The following UTP20 variants were observed in gnomAD, a reference collection of about 807,000 sequenced individuals.
UTP20 encodes the protein small subunit processome component 20 homolog.
In UTP20, 164 loss-of-function variants were observed where a neutral mutation model predicts 329.5. The observed-to-expected ratio is 0.50, with a 90% CI of 0.44 to 0.57. The LOEUF (loss-of-function observed/expected upper bound fraction) is 0.57, where lower values mean the gene tolerates loss of function less well. Ranked by LOEUF, UTP20 falls within the 20% of genes least tolerant of loss-of-function variation. UTP20 has a pLI of 0.00. For synonymous variants in UTP20, 1,151 were observed against 1,159.3 expected (o/e 0.99, Z 0.14); for missense variants, 3,055 against 3,284.2 (o/e 0.93, Z 1.71).
chr12:101,378,693 T>G lies in UTP20; in HGVS notation c.7397-678T>G, dbSNP rs368033511. On this transcript the variant is annotated intron_variant, in intron 56 of 61. Transcript: ENST00000261637. Reference sequence around the variant, plus strand: ...GAGAGTACACCACTGCACTCCAGCCTGGGCAATGGGAATGAAACCCTGTCG... The same window carrying G: ...GAGAGTACACCACTGCACTCCAGCCGGGGCAATGGGAATGAAACCCTGTCG... Among the ~76,000 whole-genome samples the G allele has an allele frequency of 9.2e-5, 14 of 151,432 alleles. No homozygotes were observed. The South Asian group carries it at 2.7e-3, about 30-fold the overall frequency.
intron 12 of UTP20, among the ~76,000 whole-genome samples, chr12:101,298,483 G>A (rs1872428148): frequency 6.6e-6 from 1 of 152,084 alleles, no homozygotes; most frequent in South Asian, 2.1e-4. Context: ...AGTACAGAAA[G>A]AAAACCTCTG....
intron 56 of UTP20, among the ~76,000 whole-genome samples, chr12:101,378,120 TAA>T (rs1870535674): frequency 6.6e-6 from 1 of 152,156 alleles, no homozygotes; most frequent in African/African-American, 2.4e-5. Flanking sequence ...GCTGAAGAAT[TAA>T]GAGTTTGAAG....
At chr12:101,288,853 G>A in intron 5 of UTP20, 107 bp from the exon 6 acceptor site, 2 of 959,876 alleles carry the variant, frequency 2.1e-6, no homozygotes. Flanking sequence ...TACCTGCTGT[G>A]TATTCCTTGC....
At chr12:101,374,596 C>T (rs1870411319) in intron 54 of UTP20, among the ~76,000 whole-genome samples, 3 of 152,064 alleles carry the variant, frequency 2.0e-5, no homozygotes, top group Admixed American at 2.0e-4. Context: ...ATAATAATGC[C>T]TCTTTTTAAA....
chr12:101,355,876 GTCAC>G (rs1462306790), intron 41 of UTP20, among the ~76,000 whole-genome samples: 1 of 151,784 alleles, frequency 6.6e-6, no homozygotes, highest in African/African-American at 2.4e-5. Flanking sequence ...TACTAACAGT[GTCAC>G]TCACACAGTT....
chr12:101,376,202 T>C (rs1870465399), intron 56 of UTP20, among the ~76,000 whole-genome samples: 1 of 152,146 alleles, frequency 6.6e-6, no homozygotes, highest in African/African-American at 2.4e-5. Flanking sequence ...AACTTTGATA[T>C]CCTGTTTGTA....
chr12:101,332,660 A>G (rs1398886961), intron 27 of UTP20, among the ~76,000 whole-genome samples: 1 of 152,124 alleles, frequency 6.6e-6, no homozygotes. Flanking sequence ...TTCCTCCTAA[A>G]TTGCATTTTT....
intron 25 of UTP20, 93 bp downstream of exon 25, chr12:101,321,722 A>G: frequency 7.0e-7 from 1 of 1,435,050 alleles, no homozygotes; most frequent in Non-Finnish European, 9.4e-7. Flanking sequence ...ACTGTAATAG[A>G]ATATTTCATT....
intron 11 of UTP20, among the ~76,000 whole-genome samples, chr12:101,295,072 T>C (rs973295471): frequency 7.9e-5 from 12 of 152,208 alleles, no homozygotes; most frequent in African/African-American, 2.9e-4. Flanking sequence ...AGTGCACAAA[T>C]GTTGTACTGG....
rs537686294 is a variant in UTP20, at chr12:101,367,072, G to T, written c.6267+373G>T. On this transcript the variant is annotated intron_variant, in intron 47 of 61. Coordinates refer to ENST00000261637, the MANE Select transcript of UTP20 (RefSeq NM_014503.3). ...AGGCAGGAGGATCACTTGAGGAGAGGAGTCTGAAACCAGCCTGGGCAACAT... is the reference window on the plus strand; with the variant it reads ...AGGCAGGAGGATCACTTGAGGAGAGTAGTCTGAAACCAGCCTGGGCAACAT... Among the ~76,000 whole-genome samples, 27 of 152,032 alleles carry T rather than the reference G, an allele frequency of 1.8e-4. No homozygotes were observed. In the South Asian group the frequency reaches 5.6e-3, roughly 32 times the overall value.
chr12:101,319,037 C>A (rs1565792630), intron 22 of UTP20, among the ~76,000 whole-genome samples: 1 of 152,210 alleles, frequency 6.6e-6, no homozygotes, highest in South Asian at 2.1e-4. Context: ...TTTCAGTTAC[C>A]CATGGTCAAC....
intron 38 of UTP20, among the ~76,000 whole-genome samples, chr12:101,346,795 C>T (rs1869339870): frequency 6.6e-6 from 1 of 152,176 alleles, no homozygotes; most frequent in Non-Finnish European, 1.5e-5. Context: ...CTATTATTAG[C>T]TCACAAAGGC....
At chr12:101,316,873 C>A (rs1040094019) in intron 21 of UTP20, among the ~76,000 whole-genome samples, 19 of 152,174 alleles carry the variant, frequency 1.2e-4, no homozygotes, top group Non-Finnish European at 2.2e-4. Flanking sequence ...AAAGTGAATA[C>A]TGTATTAAGC....
chr12:101,359,252 G>C (rs900435619), intron 43 of UTP20, among the ~76,000 whole-genome samples: 3 of 152,050 alleles, frequency 2.0e-5, no homozygotes, highest in Admixed American at 2.0e-4. Context: ...TTTTAGTAGA[G>C]ATGGAGTTTC....
chr12:101,361,408 G>C (rs1307898010), intron 43 of UTP20, among the ~76,000 whole-genome samples: 1 of 151,996 alleles, frequency 6.6e-6, no homozygotes, highest in Non-Finnish European at 1.5e-5. Flanking sequence ...CAAATCACCT[G>C]TGGTCAGGAG....
rs761990997 is a variant in UTP20, at chr12:101,346,447, A to G, written c.4747-4A>G. 1.8e-5 allele frequency: 28 copies of G among 1,589,816 alleles called. No homozygotes were observed. Among genetic ancestry groups the G allele is most frequent in the Non-Finnish European group, 2.1e-5 (25 of 1,172,268 alleles). ...AACTAATTCATATTTTATCTTACCC[A>G]TAGATCCACAGAAGAGCAAGAGCCT... On this transcript the variant is annotated splice_region_variant and splice_polypyrimidine_tract_variant and intron_variant, in intron 37 of 61. Transcript: ENST00000261637.
At position 101,304,573 on chromosome 12, in the gene UTP20, T is replaced by C. The variant is rs528091539; in HGVS notation, c.1782-1342T>C. Among the ~76,000 whole-genome samples the C allele has an allele frequency of 4.6e-5, 7 of 152,292 alleles. 1 individual carries two copies. Among genetic ancestry groups the C allele is most frequent in the African/African-American group, 1.7e-4 (7 of 41,562 alleles). ...AGGACAGATCATGCCACTCCTTTGC[T>C]CATCACCCTCTAATACAGTGCTTCT... On this transcript the variant is annotated intron_variant, in intron 15 of 61. Transcript: ENST00000261637.
Position 101,342,825 on chromosome 12 carries a change from T to C in UTP20, c.4284T>C (p.Thr1428=), listed in dbSNP as rs764532586. 1.9e-6 allele frequency: 3 copies of C among 1,613,462 alleles called. No individual in the cohort carries two copies. The highest frequency in any genetic ancestry group is 1.7e-5 in the Admixed American group (1 of 59,980). ...SDFESGLKYI[T]DVVKLNAFDQ... ...TTGAGAGTGGGTTAAAATATATTACTGATGTTGTCAAGGTAAGAAAGAAGG... is the reference window on the plus strand; with the variant it reads ...TTGAGAGTGGGTTAAAATATATTACCGATGTTGTCAAGGTAAGAAAGAAGG... The change falls in exon 34 of 62, where the codon ACT becomes ACC. Residue 1428 remains threonine (T), a synonymous_variant. Transcript: ENST00000261637.
chr12:101,326,399 A>C (rs1868558422), intron 25 of UTP20, among the ~76,000 whole-genome samples: 1 of 152,224 alleles, frequency 6.6e-6, no homozygotes, highest in Non-Finnish European at 1.5e-5. Context: ...GAAACTTCAT[A>C]GCATAGAAAT....
Sources: gnomAD v4.1 joint callset for allele counts (sites outside exome capture counted in the v4.1 genomes callset) on GRCh38, gnomAD v4.1.1 for gene constraint, MANE v1.5 for transcripts, NCBI Gene and HGNC (gene_info 2026-07-23, HGNC 2026-07-21) for gene names.